NRIP1: variants seen among roughly 807,000 people sequenced by gnomAD.
NRIP1 encodes nuclear receptor interacting protein 1.
A neutral mutation model predicts 75.0 loss-of-function variants in NRIP1; 28 were observed. The ratio of observed to expected loss-of-function variants is 0.37; its 90% CI spans 0.28 to 0.51. The LOEUF (loss-of-function observed/expected upper bound fraction) is 0.51. Among genes scored for constraint, NRIP1 ranks in the 20% least tolerant of loss-of-function variants. NRIP1 has a pLI of 0.92. For synonymous variants in NRIP1, 526 were observed against 487.6 expected (o/e 1.08, Z -1.04); for missense variants, 1,435 against 1,343.7 (o/e 1.07, Z -1.06).
chr21:15,018,109 A>G (rs2088279602), intron 2 of NRIP1, among the ~76,000 whole-genome samples: 1 of 152,224 alleles, frequency 6.6e-6, no homozygotes, highest in Admixed American at 6.5e-5. Flanking sequence ...AGCATGTCTA[A>G]TGAATAAGAA....
At chr21:15,018,118 A>T (rs2088279995) in intron 2 of NRIP1, among the ~76,000 whole-genome samples, 1 of 152,230 alleles carries the variant, frequency 6.6e-6, no homozygotes, top group African/African-American at 2.4e-5. Flanking sequence ...AATGAATAAG[A>T]AAATTTTAAA....
chr21:15,012,349 C>T (rs144052265), intron 3 of NRIP1, among the ~76,000 whole-genome samples: 6 of 150,246 alleles, frequency 4.0e-5, no homozygotes, highest in African/African-American at 9.8e-5. Context: ...AATCTAAAAA[C>T]GTTTAAAAAT....
intron 3 of NRIP1, among the ~76,000 whole-genome samples, chr21:15,006,549 G>A (rs1009424861): frequency 6.6e-6 from 1 of 152,058 alleles, no homozygotes; most frequent in African/African-American, 2.4e-5. Context: ...GTCATCATCA[G>A]ATATAAGGTA....
intron 3 of NRIP1, among the ~76,000 whole-genome samples, chr21:15,001,462 A>C (rs2087847405): frequency 6.6e-6 from 1 of 152,196 alleles, no homozygotes; most frequent in Non-Finnish European, 1.5e-5. Flanking sequence ...TATTTTAATC[A>C]CTTTATAAAA....
chr21:15,048,701 C>T (rs757430465), intron 1 of NRIP1, among the ~76,000 whole-genome samples: 3 of 152,176 alleles, frequency 2.0e-5, no homozygotes, highest in Non-Finnish European at 2.9e-5. Flanking sequence ...CCTCTCTATC[C>T]AATAAGGTTC....
chr21:14,988,753 TAACTAATGGACCA>T (rs1478057720), intron 3 of NRIP1, among the ~76,000 whole-genome samples: 1 of 152,132 alleles, frequency 6.6e-6, no homozygotes, highest in East Asian at 1.9e-4. Context: ...ACTGGGAACC[TAACTAATGGACCA>T]ATCATTTCCT....
At chr21:15,044,619 G>A (rs1007612771) in intron 1 of NRIP1, among the ~76,000 whole-genome samples, 7 of 152,056 alleles carry the variant, frequency 4.6e-5, no homozygotes, top group South Asian at 2.1e-4. Flanking sequence ...CCTATGATCA[G>A]TTCTCACAGA....
At chr21:15,013,840 CTATACT>C (rs1460968940) in intron 3 of NRIP1, among the ~76,000 whole-genome samples, 1 of 152,092 alleles carries the variant, frequency 6.6e-6, no homozygotes, top group Non-Finnish European at 1.5e-5. Context: ...AATCACTGGC[CTATACT>C]ATAATAAACA....
intron 1 of NRIP1, chr21:15,052,449 C>T (rs1255976658): frequency 6.6e-6 from 1 of 152,064 alleles, no homozygotes; most frequent in Non-Finnish European, 1.5e-5. Flanking sequence ...ACTTCCTATC[C>T]TATCCCCTCA....
In NRIP1 at chr21:14,961,848, C is replaced by T. The variant is rs2086597013; in HGVS notation, c.*2868G>A. 1 of 152,122 alleles carries T rather than the reference C, an allele frequency of 6.6e-6. No homozygotes were observed. Among genetic ancestry groups the T allele is most frequent in the Admixed American group, 6.6e-5 (1 of 15,208 alleles). 9.4% of individuals were successfully genotyped at this position (152,122 alleles called of 1,614,324 possible). A position where few individuals can be genotyped will look rare whatever the true frequency, so the allele number is the denominator to read the frequency against. ...TTTTAAACCTGTCTGATTATATTTA[C>T]ACTTATACATGGAATATACAGGAAC... On this transcript the variant is annotated 3_prime_UTR_variant, in exon 4 of 4. Coordinates refer to ENST00000318948, the MANE Select transcript of NRIP1 (RefSeq NM_003489.4).
At chr21:14,969,243 A>T (rs1378568731) in intron 3 of NRIP1, among the ~76,000 whole-genome samples, 2 of 152,178 alleles carry the variant, frequency 1.3e-5, no homozygotes, top group Non-Finnish European at 2.9e-5. Context: ...GATTCTTTAG[A>T]TGCTTGTTCA....
At chr21:14,999,424 T>C (rs935236907) in intron 3 of NRIP1, among the ~76,000 whole-genome samples, 1 of 152,192 alleles carries the variant, frequency 6.6e-6, no homozygotes, top group African/African-American at 2.4e-5. Flanking sequence ...GAGTTTGCTT[T>C]GATTTATGTT....
At chr21:15,024,569 T>A (rs943293689) in intron 2 of NRIP1, among the ~76,000 whole-genome samples, 2 of 132,112 alleles carry the variant, frequency 1.5e-5, no homozygotes, top group Non-Finnish European at 3.2e-5. Context: ...GTATCCAGAG[T>A]GTGTGTGTGT....
At chr21:15,014,544 T>C in intron 2 of NRIP1, 78 bp from the exon 3 acceptor site, 1 of 398,144 alleles carries the variant, frequency 2.5e-6, no homozygotes, top group Non-Finnish European at 4.4e-6. Context: ...GTTCAACTTA[T>C]CCCATTACCT....
chr21:15,055,374 A>G (rs1217782066), intron 1 of NRIP1, among the ~76,000 whole-genome samples: 2 of 152,242 alleles, frequency 1.3e-5, no homozygotes, highest in South Asian at 2.1e-4. Context: ...TTCCAAATGT[A>G]CGTAACATGT....
intron 2 of NRIP1, among the ~76,000 whole-genome samples, chr21:15,040,387 T>C (rs1387232922): frequency 6.6e-6 from 1 of 152,114 alleles, no homozygotes; most frequent in Non-Finnish European, 1.5e-5. Context: ...ATTATACTTC[T>C]AGTGAACAGC....
intron 3 of NRIP1, among the ~76,000 whole-genome samples, chr21:15,001,564 A>T (rs1419280699): frequency 2.0e-5 from 3 of 147,136 alleles, no homozygotes; most frequent in Admixed American, 6.6e-5. Flanking sequence ...TCACAGAATT[A>T]AAAAAAATTA....
At chr21:15,062,132 AAAG>A (rs1239329029) in intron 1 of NRIP1, among the ~76,000 whole-genome samples, 1 of 152,232 alleles carries the variant, frequency 6.6e-6, no homozygotes, top group Non-Finnish European at 1.5e-5. Flanking sequence ...TACACCACTT[AAAG>A]GAGGAACATT....
At chr21:14,975,152 A>G (rs913603349) in intron 3 of NRIP1, among the ~76,000 whole-genome samples, 1 of 152,062 alleles carries the variant, frequency 6.6e-6, no homozygotes, top group Non-Finnish European at 1.5e-5. Flanking sequence ...AAGGAAGGAA[A>G]CATTCATCTA....
Sources: allele counts gnomAD v4.1 joint callset (sites outside exome capture counted in the v4.1 genomes callset), GRCh38; gene constraint gnomAD v4.1.1; transcripts MANE v1.5; gene names NCBI Gene and HGNC (gene_info 2026-07-23, HGNC 2026-07-21).